The following ERC2 variants were observed in gnomAD, a reference collection of about 807,000 sequenced individuals.
The protein encoded by ERC2 is ELKS/RAB6-interacting/CAST family member 2.
In ERC2, 42 loss-of-function variants were observed where a neutral mutation model predicts 114.8. The observed-to-expected ratio is 0.37, with a 90% confidence interval of 0.29 to 0.47. ERC2 has a LOEUF of 0.47. Among genes scored for constraint, ERC2 ranks in the 20% least tolerant of loss-of-function variants. The pLI is 0.99. For synonymous variants in ERC2, 454 were observed against 425.5 expected (o/e 1.07, Z -0.82); for missense variants, 939 against 1,150.7 (o/e 0.82, Z 2.66).
intron 7 of ERC2, among the ~76,000 whole-genome samples, chr3:56,040,404 G>A (rs2075060018): frequency 6.6e-6 from 1 of 150,748 alleles, no homozygotes. Flanking sequence ...ACCTAGGCCG[G>A]AGTGCAGTAG....
intron 13 of ERC2, among the ~76,000 whole-genome samples, chr3:55,923,446 T>C (rs1200665203): frequency 1.3e-5 from 2 of 152,060 alleles, no homozygotes; most frequent in Non-Finnish European, 2.9e-5. Context: ...TGGATGACAG[T>C]GATAGTTACA....
chr3:56,189,481 C>A (rs574744966), intron 3 of ERC2, among the ~76,000 whole-genome samples: 5 of 152,154 alleles, frequency 3.3e-5, no homozygotes, highest in African/African-American at 1.2e-4. Context: ...CTACTCAGGC[C>A]GCTGAAAATC....
intron 12 of ERC2, among the ~76,000 whole-genome samples, chr3:55,959,067 T>A (rs1334107216): frequency 1.3e-5 from 2 of 152,096 alleles, no homozygotes; most frequent in Non-Finnish European, 2.9e-5. Context: ...GACGGTCCAC[T>A]GCAGCCATCA....
intron 3 of ERC2, among the ~76,000 whole-genome samples, chr3:56,275,092 G>T (rs1187056159): frequency 6.6e-6 from 1 of 152,112 alleles, no homozygotes; most frequent in African/African-American, 2.4e-5. Context: ...AGTTCACAAG[G>T]CCCAGGATAA....
chr3:55,534,436 GTAATC>G (rs1042933326), intron 17 of ERC2, among the ~76,000 whole-genome samples: 3 of 149,914 alleles, frequency 2.0e-5, no homozygotes, highest in Admixed American at 1.3e-4. Context: ...GCTCCCGCCT[GTAATC>G]CCAGCACTTT....
intron 6 of ERC2, among the ~76,000 whole-genome samples, chr3:56,109,168 C>T (rs1290585438): frequency 6.6e-6 from 1 of 152,048 alleles, no homozygotes; most frequent in Non-Finnish European, 1.5e-5. Context: ...TCTCTCCCTC[C>T]TTCCCCCTCC....
At chr3:56,368,477 C>A (rs1339060936) in intron 2 of ERC2, among the ~76,000 whole-genome samples, 2 of 152,158 alleles carry the variant, frequency 1.3e-5, no homozygotes, top group African/African-American at 4.8e-5. Context: ...TCAGGCTAGA[C>A]GAGAAGATAA....
chr3:56,328,367 C>T (rs1180116280), intron 2 of ERC2, among the ~76,000 whole-genome samples: 2 of 152,122 alleles, frequency 1.3e-5, no homozygotes, highest in Admixed American at 1.3e-4. Context: ...TCACTAGATG[C>T]AAAATCTACA....
chr3:56,033,548 C>T (rs1423917465), intron 7 of ERC2, among the ~76,000 whole-genome samples: 1 of 152,152 alleles, frequency 6.6e-6, no homozygotes, highest in Non-Finnish European at 1.5e-5. Flanking sequence ...ACTAGCATTT[C>T]TTGTAAGGCA....
chr3:56,073,313 G>A (rs2076825886), intron 7 of ERC2, among the ~76,000 whole-genome samples: 1 of 152,126 alleles, frequency 6.6e-6, no homozygotes, highest in South Asian at 2.1e-4. Flanking sequence ...GGGCTTCTCT[G>A]GATGATTATT....
At chr3:56,283,539 C>T (rs1418319226) in intron 3 of ERC2, among the ~76,000 whole-genome samples, 2 of 152,198 alleles carry the variant, frequency 1.3e-5, no homozygotes, top group African/African-American at 2.4e-5. Context: ...GCTGTGTGGA[C>T]TCTGCCAGAA....
At chr3:56,437,498 CA>C (rs2062076854) in intron 1 of ERC2, among the ~76,000 whole-genome samples, 3 of 152,174 alleles carry the variant, frequency 2.0e-5, no homozygotes, top group African/African-American at 7.2e-5. Flanking sequence ...TTGCTACATT[CA>C]ATTCTAGATG....
At chr3:56,383,280 C>T (rs2059818904) in intron 2 of ERC2, among the ~76,000 whole-genome samples, 1 of 152,140 alleles carries the variant, frequency 6.6e-6, no homozygotes, top group Non-Finnish European at 1.5e-5. Context: ...AAAAACCCCC[C>T]ACTGGAATTT....
At chr3:55,949,389 T>C (rs1341401745) in intron 13 of ERC2, among the ~76,000 whole-genome samples, 3 of 151,694 alleles carry the variant, frequency 2.0e-5, no homozygotes, top group African/African-American at 4.8e-5. Context: ...AAAAAAAGTT[T>C]TGGGCCCACC....
At chr3:55,743,238 C>G (rs1025594399) in intron 14 of ERC2, among the ~76,000 whole-genome samples, 2 of 152,140 alleles carry the variant, frequency 1.3e-5, no homozygotes, top group Non-Finnish European at 2.9e-5. Context: ...AGTGCATGAG[C>G]CAGGGAGGTG....
intron 2 of ERC2, among the ~76,000 whole-genome samples, chr3:56,370,550 G>C (rs963794978): frequency 6.9e-5 from 10 of 144,288 alleles, no homozygotes; most frequent in African/African-American, 2.6e-4. Flanking sequence ...TTCCTGATTT[G>C]TTTGTTTGTT....
At position 55,955,136 on chromosome 3, in the gene ERC2, C is replaced by T. The variant is rs746267916; in HGVS notation, c.2268-4576G>A. On this transcript the variant is annotated intron_variant, in intron 12 of 17. Transcript: ENST00000288221. ...GTATATAGACACACATGCATATGAA[C>T]GGAAACTCCTGGAAACTCCACACCA... is the stretch of plus-strand genomic sequence containing the variant. The T allele has an allele frequency of 9.1e-5, 47 of 515,812 alleles. 1 individual carries two copies. The highest frequency in any genetic ancestry group is 8.2e-4 in the Admixed American group (42 of 51,308). 32.0% of individuals were successfully genotyped at this position (515,812 alleles called of 1,614,324 possible).
At chr3:55,992,889 G>A (rs1445605678) in intron 10 of ERC2, among the ~76,000 whole-genome samples, 4 of 152,154 alleles carry the variant, frequency 2.6e-5, no homozygotes, top group African/African-American at 9.7e-5. Flanking sequence ...CCAGGAGGAG[G>A]ATGAGCTAAT....
intron 2 of ERC2, among the ~76,000 whole-genome samples, chr3:56,364,448 A>G (rs2059077493): frequency 1.3e-5 from 2 of 152,250 alleles, no homozygotes; most frequent in African/African-American, 4.8e-5. Context: ...TAATAATGTA[A>G]CATACCAAAA....
Sources: allele counts gnomAD v4.1 joint callset (sites outside exome capture counted in the v4.1 genomes callset), GRCh38; gene constraint gnomAD v4.1.1; transcripts MANE v1.5; gene names NCBI Gene and HGNC (gene_info 2026-07-23, HGNC 2026-07-21).